CMIP: variants seen among roughly 807,000 people sequenced by gnomAD.
CMIP encodes c-Maf inducing protein, also known as C-Maf-inducing protein.
A neutral mutation model predicts 97.3 loss-of-function variants in CMIP; 13 were observed. The ratio of observed to expected loss-of-function variants is 0.13; its 90% confidence interval spans 0.09 to 0.21. The LOEUF (loss-of-function observed/expected upper bound fraction) is 0.21. Ranked by LOEUF, CMIP falls within the 10% of genes least tolerant of loss-of-function variation. The pLI is 1.00. For synonymous variants in CMIP, 538 were observed against 436.3 expected (o/e 1.23, Z -2.91); for missense variants, 847 against 1,024.9 (o/e 0.83, Z 2.37).
intron 1 of CMIP, among the ~76,000 whole-genome samples, chr16:81,456,560 C>A (rs1906560224): frequency 6.6e-6 from 1 of 152,002 alleles, no homozygotes; most frequent in Non-Finnish European, 1.5e-5. Context: ...TGCAGATGTA[C>A]ATTCATCTAA....
intron 1 of CMIP, among the ~76,000 whole-genome samples, chr16:81,454,639 CA>C (rs1906435074): frequency 6.6e-6 from 1 of 152,244 alleles, no homozygotes; most frequent in Admixed American, 6.5e-5. Context: ...ACTGTTCTTG[CA>C]TAGTGAGTGC....
chr16:81,544,349 T>A (rs2090503700), intron 1 of CMIP, among the ~76,000 whole-genome samples: 1 of 152,252 alleles, frequency 6.6e-6, no homozygotes, highest in Non-Finnish European at 1.5e-5. Context: ...TCTTTGGTGC[T>A]ATGTGTGTGG....
At chr16:81,452,633 C>G (rs1328755280) in intron 1 of CMIP, among the ~76,000 whole-genome samples, 1 of 152,068 alleles carries the variant, frequency 6.6e-6, no homozygotes, top group African/African-American at 2.4e-5. Flanking sequence ...GTAGAGGGAA[C>G]AGCAATTGCA....
In CMIP at chr16:81,607,638, T is replaced by C. The variant is rs771641108; in HGVS notation, c.372T>C (p.Asn124=). The C allele has an allele frequency of 3.7e-6, 6 of 1,613,932 alleles. No homozygotes were observed. Among genetic ancestry groups the C allele is most frequent in the East Asian group, 4.5e-5 (2 of 44,906 alleles). Residue 124 remains asparagine, a synonymous_variant, in exon 2 of 21, where the codon AAT becomes AAC. Transcript: ENST00000537098. Reference sequence around the variant, plus strand: ...ACGTTCAGCTGCTGTCCTGGGAGAATGCCCCGAAGTACTGTTTACAGCTCA... The same window carrying C: ...ACGTTCAGCTGCTGTCCTGGGAGAACGCCCCGAAGTACTGTTTACAGCTCA... ...IEDVQLLSWE[N]APKYCLQLTI...
intron 1 of CMIP, among the ~76,000 whole-genome samples, chr16:81,467,732 C>T (rs1029662870): frequency 6.6e-6 from 1 of 151,796 alleles, no homozygotes; most frequent in Non-Finnish European, 1.5e-5. Flanking sequence ...AGGCATGTGC[C>T]ACCATGCCTG....
intron 6 of CMIP, among the ~76,000 whole-genome samples, chr16:81,662,759 G>A (rs1009182295): frequency 6.6e-6 from 1 of 152,208 alleles, no homozygotes; most frequent in African/African-American, 2.4e-5. Context: ...CTCACAGCCT[G>A]TGAAGGGCTT....
chr16:81,655,665 T>A lies in CMIP; in HGVS notation c.640-2110T>A, dbSNP rs2092473750. ...TGCGTGGGTGGCGGCGAGGGATGGA[T>A]GTGTCGAGCTGCCCTTGGCAGCCCA... On this transcript the variant is annotated intron_variant, in intron 4 of 20. Transcript: ENST00000537098. The surrounding 1 kb of genome is among the most constrained non-coding windows in gnomAD (Gnocchi z 4.9). 6.6e-6 allele frequency among the ~76,000 whole-genome samples: 1 copy of A among 152,094 alleles called. No individual in the cohort carries two copies. Among genetic ancestry groups the A allele is most frequent in the Admixed American group, 6.5e-5 (1 of 15,274 alleles).
chr16:81,596,566 A>G (rs1191559286), intron 1 of CMIP, among the ~76,000 whole-genome samples: 1 of 151,964 alleles, frequency 6.6e-6, no homozygotes, highest in Non-Finnish European at 1.5e-5. Flanking sequence ...AAGAGTACAC[A>G]CATTGTATAC....
intron 13 of CMIP, among the ~76,000 whole-genome samples, chr16:81,695,048 A>G (rs75096386): frequency 0.024 from 3,587 of 152,312 alleles, 62 homozygotes; most frequent in African/African-American, 0.043. Context: ...AAGTGGCATC[A>G]GCTGCTTCTC....
chr16:81,520,283 A>G (rs1208666765), intron 1 of CMIP: 1 of 152,142 alleles, frequency 6.6e-6, no homozygotes, highest in Non-Finnish European at 1.5e-5. Flanking sequence ...CGATTTCTTC[A>G]TCTCTAGTGG....
At chr16:81,648,755 C>T (rs953883338) in intron 3 of CMIP, among the ~76,000 whole-genome samples, 1 of 132,096 alleles carries the variant, frequency 7.6e-6, no homozygotes, top group African/African-American at 2.9e-5. Context: ...TACACTCCAG[C>T]TTGAGTGACA....
intron 6 of CMIP, among the ~76,000 whole-genome samples, chr16:81,663,113 AT>A (rs1445661976): frequency 6.6e-5 from 9 of 137,284 alleles, no homozygotes; most frequent in African/African-American, 1.9e-4. Flanking sequence ...AAAAAAAAAA[AT>A]TTTAAGGCTA....
intron 3 of CMIP, among the ~76,000 whole-genome samples, chr16:81,642,341 A>G (rs2150990444): frequency 6.6e-6 from 1 of 152,092 alleles, no homozygotes; most frequent in Non-Finnish European, 1.5e-5. Context: ...ACAGTGCCCC[A>G]CTCAGAGTAG....
At chr16:81,446,805 G>C (rs542370365) in intron 1 of CMIP, among the ~76,000 whole-genome samples, 4 of 152,308 alleles carry the variant, frequency 2.6e-5, no homozygotes, top group African/African-American at 9.6e-5. Flanking sequence ...AATGGGGAGG[G>C]GGGAAAAGTT....
chr16:81,546,954 A>G (rs2090558395), intron 1 of CMIP, among the ~76,000 whole-genome samples: 1 of 152,170 alleles, frequency 6.6e-6, no homozygotes, highest in Admixed American at 6.5e-5. Context: ...CTGCATCGCG[A>G]GAGCTCCCTG....
At chr16:81,550,416 G>A (rs1222847161) in intron 1 of CMIP, among the ~76,000 whole-genome samples, 3 of 152,212 alleles carry the variant, frequency 2.0e-5, no homozygotes, top group African/African-American at 7.2e-5. Context: ...GTCTGGCCCT[G>A]TCCATGGAGG....
At position 81,538,394 on chromosome 16, in the gene CMIP, G is replaced by C. The variant is rs183609307; in HGVS notation, c.301-69173G>C. Among the ~76,000 whole-genome samples, 374 of 152,346 alleles carry C rather than the reference G, an allele frequency of 2.5e-3. 2 individuals carry two copies. Among genetic ancestry groups the C allele is most frequent in the African/African-American group, 8.4e-3 (348 of 41,586 alleles). ...CACTCTAAGGGGTTGTTGGAACAAA[G>C]TTGAAATGTGGTCCAAAACAGCTTC... On this transcript the variant is annotated intron_variant, in intron 1 of 20. Transcript: ENST00000537098.
At chr16:81,640,378 T>C (rs1038486005) in intron 3 of CMIP, among the ~76,000 whole-genome samples, 10 of 149,478 alleles carry the variant, frequency 6.7e-5, no homozygotes, top group African/African-American at 2.5e-4. Flanking sequence ...AGGGCCCTGC[T>C]GCCTTCTGTG....
chr16:81,663,082 C>T (rs2092564895), intron 6 of CMIP, among the ~76,000 whole-genome samples: 1 of 139,406 alleles, frequency 7.2e-6, no homozygotes, highest in African/African-American at 2.8e-5. Context: ...CTCATCTCGT[C>T]TACTTTTTTA....
Sources: gnomAD v4.1 joint callset for allele counts (sites outside exome capture counted in the v4.1 genomes callset) on GRCh38, gnomAD v4.1.1 for gene constraint, Gnocchi (gnomAD v3.1) non-coding constraint, MANE v1.5 for transcripts, NCBI Gene and HGNC (gene_info 2026-07-23, HGNC 2026-07-21) for gene names.